The following LUZP2 variants were observed in gnomAD, a reference collection of about 807,000 sequenced individuals.
LUZP2 encodes the protein leucine zipper protein 2.
Under a neutral mutation model 51.6 loss-of-function variants are expected in LUZP2, and 52 were observed. The observed-to-expected ratio is 1.01, with a 90% confidence interval of 0.81 to 1.27. The LOEUF is 1.27. LUZP2 is among the 50% of genes most tolerant of loss of function. The probability of loss-of-function intolerance (pLI) is 0.00; values close to 1 mark genes in which losing one functional copy is unlikely to be tolerated. For missense variants in LUZP2, 436 were observed against 395.4 expected, an observed-to-expected ratio of 1.10 and a Z score of -0.87; for synonymous variants, 154 against 137.3, an observed-to-expected ratio of 1.12 and a Z score of -0.85.
At chr11:24,854,446 T>C (rs1183681017) in intron 5 of LUZP2, among the ~76,000 whole-genome samples, 1 of 152,204 alleles carries the variant, frequency 6.6e-6, no homozygotes, top group Non-Finnish European at 1.5e-5. Flanking sequence ...CTACTCAAGC[T>C]TCAGTAATGG....
chr11:24,858,738 A>G (rs932990421), intron 5 of LUZP2, among the ~76,000 whole-genome samples: 14 of 152,160 alleles, frequency 9.2e-5, no homozygotes, highest in African/African-American at 3.4e-4. Flanking sequence ...GTGTAGTTTC[A>G]GTGGTGCTGA....
At chr11:24,882,462 C>T (rs1227578010) in intron 5 of LUZP2, among the ~76,000 whole-genome samples, 1 of 151,956 alleles carries the variant, frequency 6.6e-6, no homozygotes, top group East Asian at 1.9e-4. Flanking sequence ...CACCCCCAAA[C>T]CATAGTTTAC....
In LUZP2 at chr11:24,706,148, G is replaced by A. The variant is rs571784290; in HGVS notation, c.63-23021G>A. 6.6e-5 allele frequency among the ~76,000 whole-genome samples: 10 copies of A among 152,220 alleles called. No homozygotes were observed. In the East Asian group the frequency reaches 7.7e-4, roughly 12 times the overall value. On this transcript the variant is annotated intron_variant, in intron 1 of 11. Coordinates refer to ENST00000336930, the MANE Select transcript of LUZP2 (RefSeq NM_001009909.4). ...ATTCTAAGGTGCATAAAATTACCTC[G>A]AAGCTGATGCCTCCATTTTATAATA...
At chr11:24,515,525 TAGA>T (rs1470921174) in intron 1 of LUZP2, among the ~76,000 whole-genome samples, 3 of 152,030 alleles carry the variant, frequency 2.0e-5, no homozygotes, top group Non-Finnish European at 4.4e-5. Flanking sequence ...ACATCCTTCA[TAGA>T]AGGAGAGGGA....
intron 9 of LUZP2, among the ~76,000 whole-genome samples, chr11:24,994,969 TA>T (rs1856450262): frequency 6.6e-6 from 1 of 152,230 alleles, no homozygotes; most frequent in South Asian, 2.1e-4. Context: ...GAAATTATAT[TA>T]TACTGTTATA....
At chr11:24,563,877 C>T (rs1852134415) in intron 1 of LUZP2, among the ~76,000 whole-genome samples, 1 of 151,792 alleles carries the variant, frequency 6.6e-6, no homozygotes, top group Non-Finnish European at 1.5e-5. Context: ...TATAACTAAA[C>T]TGTAATTAGA....
Position 24,802,336 on chromosome 11 carries a change from C to A in LUZP2, c.396+39028C>A, listed in dbSNP as rs570987637. ...CCTCTGTTGATAGGTATTTGGGTAGCTTCCAGTTTGGGACTATGAAAGATA... is the reference window on the plus strand; with the variant it reads ...CCTCTGTTGATAGGTATTTGGGTAGATTCCAGTTTGGGACTATGAAAGATA... On this transcript the variant is annotated intron_variant, in intron 5 of 11. Transcript: ENST00000336930. 8.2e-4 allele frequency among the ~76,000 whole-genome samples: 124 copies of A among 152,060 alleles called. 1 individual carries two copies. The highest frequency in any genetic ancestry group is 2.9e-3 in the African/African-American group (119 of 41,514).
rs1349569555 is a variant in LUZP2 at position 25,070,604 on chromosome 11, T to G, written c.859-6725T>G. Among the ~76,000 whole-genome samples, 4 of 152,150 alleles carry G rather than the reference T, an allele frequency of 2.6e-5. No homozygotes were observed. The East Asian group carries it at 7.7e-4, about 29-fold the overall frequency. The stretch of plus-strand genomic sequence containing the variant: ...GGGGAGCATCTTAGAATCCTGCCTG[T>G]TAAAATATCCCAGTTAAGTCCCTAA... On this transcript the variant is annotated intron_variant, in intron 10 of 11. Coordinates refer to ENST00000336930, the MANE Select transcript of LUZP2 (RefSeq NM_001009909.4).
At chr11:24,674,389 T>G (rs915499699) in intron 1 of LUZP2, among the ~76,000 whole-genome samples, 1 of 152,310 alleles carries the variant, frequency 6.6e-6, no homozygotes, top group South Asian at 2.1e-4. Context: ...GATTTTCTCC[T>G]TCTATGAAGC....
At chr11:24,892,334 C>T (rs950437501) in intron 5 of LUZP2, 13 of 985,274 alleles carry the variant, frequency 1.3e-5, no homozygotes, top group Non-Finnish European at 1.6e-5. Context: ...CCTCGAAAGA[C>T]ATTCAAATTA....
At chr11:24,827,301 CT>C (rs1383529276) in intron 5 of LUZP2, among the ~76,000 whole-genome samples, 1 of 152,130 alleles carries the variant, frequency 6.6e-6, no homozygotes, top group Non-Finnish European at 1.5e-5. Context: ...CATATTTCTG[CT>C]TTCTTCAGGC....
chr11:24,576,296 C>T (rs949055596), intron 1 of LUZP2, among the ~76,000 whole-genome samples: 1 of 151,530 alleles, frequency 6.6e-6, no homozygotes, highest in African/African-American at 2.4e-5. Flanking sequence ...GCCTGTAACC[C>T]CAGCTATTCA....
intron 1 of LUZP2, among the ~76,000 whole-genome samples, chr11:24,578,871 A>G (rs1852753129): frequency 1.3e-5 from 2 of 152,114 alleles, no homozygotes; most frequent in Non-Finnish European, 2.9e-5. Context: ...AAACCTCAGC[A>G]TCATGCAATA....
chr11:24,936,213 A>C (rs1293088830), intron 7 of LUZP2, among the ~76,000 whole-genome samples: 1 of 152,178 alleles, frequency 6.6e-6, no homozygotes, highest in Non-Finnish European at 1.5e-5. Flanking sequence ...CATGGAAGCA[A>C]GGGCTGAACC....
At chr11:24,574,268 C>T (rs796556515) in intron 1 of LUZP2, among the ~76,000 whole-genome samples, 6 of 3,208 alleles carry the variant, frequency 1.9e-3, no homozygotes, top group Non-Finnish European at 6.8e-3. Flanking sequence ...TTCTTGCTTT[C>T]TTTCTTTCTT....
At chr11:24,712,719 A>G (rs1857882475) in intron 1 of LUZP2, among the ~76,000 whole-genome samples, 1 of 152,150 alleles carries the variant, frequency 6.6e-6, no homozygotes, top group African/African-American at 2.4e-5. Flanking sequence ...CATAATTGAG[A>G]AAGGGGCTTA....
chr11:24,873,915 T>C (rs186987390), intron 5 of LUZP2, among the ~76,000 whole-genome samples: 31 of 152,306 alleles, frequency 2.0e-4, no homozygotes, highest in African/African-American at 7.2e-4. Context: ...GAAACTTAAC[T>C]GGTTTTAATG....
In LUZP2 at chr11:24,682,598, GTATATATATGTGTATGTGTATA is replaced by G. The variant is rs1342220156; in HGVS notation, c.63-46561_63-46540del. ...TTTATATATATATATGTGTGTGTGT[GTATATATATGTGTATGTGTATA>G]TATATATATACACATATATATACAC... On this transcript the variant is annotated intron_variant, in intron 1 of 11. Transcript: ENST00000336930. Among the ~76,000 whole-genome samples the G allele has an allele frequency of 1.0e-4, 15 of 144,588 alleles. No individual in the cohort carries two copies. The South Asian group carries it at 2.2e-3, about 21-fold the overall frequency. The allele number at this position is 144,588 out of a possible 152,430, so 94.9% of individuals were successfully genotyped here. A position where few individuals can be genotyped will look rare whatever the true frequency, so the allele number is the denominator to read the frequency against.
intron 9 of LUZP2, among the ~76,000 whole-genome samples, chr11:24,999,521 G>T (rs999307485): frequency 1.3e-5 from 2 of 151,664 alleles, no homozygotes; most frequent in East Asian, 3.9e-4. Flanking sequence ...GGAGGAGGAA[G>T]AGAAGATGAG....
Sources: gnomAD v4.1 joint callset for allele counts (sites outside exome capture counted in the v4.1 genomes callset) on GRCh38, gnomAD v4.1.1 for gene constraint, MANE v1.5 for transcripts, NCBI Gene and HGNC (gene_info 2026-07-23, HGNC 2026-07-21) for gene names.